Variants in CTNNA2 observed in about 807,000 individuals in gnomAD.
CTNNA2 encodes catenin alpha 2.
A neutral mutation model predicts 101.0 loss-of-function variants in CTNNA2; 42 were observed. The observed-to-expected ratio is 0.42, with a 90% confidence interval of 0.32 to 0.54. The LOEUF is 0.54. CTNNA2 is among the 20% of genes least tolerant of loss of function. CTNNA2 has a pLI of 0.14. For synonymous variants in CTNNA2, 450 were observed against 456.4 expected (o/e 0.99, Z 0.18); for missense variants, 871 against 1,223.1 (o/e 0.71, Z 4.29).
At chr2:80,344,049 T>TGCCCC (rs1475428415) in intron 7 of CTNNA2, among the ~76,000 whole-genome samples, 1 of 152,142 alleles carries the variant, frequency 6.6e-6, no homozygotes, top group African/African-American at 2.4e-5. Flanking sequence ...GCACCTGCAC[T>TGCCCC]CTGCCCCAAC....
At chr2:79,547,212 A>G (rs1391693293) in intron 1 of CTNNA2, 1 of 152,170 alleles carries the variant, frequency 6.6e-6, no homozygotes, top group African/African-American at 2.4e-5. Context: ...CTAATTTTCC[A>G]TATTCAGTAT....
chr2:80,496,554 G>GT (rs111603398), intron 9 of CTNNA2, among the ~76,000 whole-genome samples: 469 of 148,256 alleles, frequency 3.2e-3, no homozygotes, highest in African/African-American at 7.8e-3. Flanking sequence ...ACTTAGGACA[G>GT]TTTTTTTTTT....
intron 3 of CTNNA2, among the ~76,000 whole-genome samples, chr2:79,775,800 A>G (rs1005672928): frequency 1.5e-4 from 23 of 152,306 alleles, no homozygotes; most frequent in African/African-American, 5.5e-4. Flanking sequence ...CACCACCTCC[A>G]CCACCAGCTA....
intron 9 of CTNNA2, among the ~76,000 whole-genome samples, chr2:80,534,116 T>C (rs1690782790): frequency 6.6e-6 from 1 of 152,158 alleles, no homozygotes; most frequent in Non-Finnish European, 1.5e-5. Flanking sequence ...GGCAGAGGCA[T>C]GCAAACAGCA....
chr2:80,303,878 T>G lies in CTNNA2; in HGVS notation c.1057-89333T>G. ...TCCATTGGAAGCGCTCGGTCAGAAA[T>G]CTACATCATATTTTATTCCGAGGGA... On this transcript the variant is annotated intron_variant, in intron 7 of 18. Coordinates refer to ENST00000402739, the MANE Select transcript of CTNNA2 (RefSeq NM_001282597.3). This position sits in a 1 kb window ranked among gnomAD's most constrained non-coding sequence, Gnocchi z 7.7. 6.8e-7 allele frequency: 1 copy of G among 1,462,508 alleles called. No homozygotes were observed. Among genetic ancestry groups the G allele is most frequent in the South Asian group, 1.6e-5 (1 of 60,784 alleles). The allele number at this position is 1,462,508 out of a possible 1,614,324, so 90.6% of individuals were successfully genotyped here.
At chr2:80,072,843 A>G (rs1409945236) in intron 7 of CTNNA2, among the ~76,000 whole-genome samples, 2 of 152,164 alleles carry the variant, frequency 1.3e-5, no homozygotes, top group Non-Finnish European at 2.9e-5. Context: ...AAAGACTTCC[A>G]AGCAGGAAAA....
intron 7 of CTNNA2, among the ~76,000 whole-genome samples, chr2:79,917,704 G>A (rs1198229398): frequency 6.6e-6 from 1 of 152,176 alleles, no homozygotes; most frequent in Non-Finnish European, 1.5e-5. Flanking sequence ...AGAGCCAATG[G>A]ATGTTGTGCA....
chr2:80,583,028 G>T (rs1371015934), intron 14 of CTNNA2, among the ~76,000 whole-genome samples: 1 of 152,082 alleles, frequency 6.6e-6, no homozygotes, highest in African/African-American at 2.4e-5. Context: ...GAAGGTTAAA[G>T]AATATTAAAG....
At chr2:80,362,046 T>A (rs1674461469) in intron 7 of CTNNA2, among the ~76,000 whole-genome samples, 1 of 152,152 alleles carries the variant, frequency 6.6e-6, no homozygotes, top group Non-Finnish European at 1.5e-5. Flanking sequence ...AGGGTGACCA[T>A]CTGTTTTAGC....
chr2:79,328,060 C>T (rs1415671082), intron 3 of CTNNA2, among the ~76,000 whole-genome samples: 1 of 152,034 alleles, frequency 6.6e-6, no homozygotes, highest in Non-Finnish European at 1.5e-5. Context: ...AGAAGGGAAG[C>T]GAAGTAAAAA....
chr2:79,749,464 C>G (rs777916083), intron 3 of CTNNA2, among the ~76,000 whole-genome samples: 1 of 152,002 alleles, frequency 6.6e-6, no homozygotes, highest in Non-Finnish European at 1.5e-5. Flanking sequence ...TGTGTTTCTC[C>G]CTTCCTATCT....
intron 7 of CTNNA2, among the ~76,000 whole-genome samples, chr2:80,350,953 G>C (rs1259431588): frequency 1.3e-5 from 2 of 152,102 alleles, no homozygotes; most frequent in African/African-American, 2.4e-5. Context: ...TCCAAATAAG[G>C]CATAATGCAG....
At chr2:79,196,535 A>T (rs999064672) in intron 1 of CTNNA2, among the ~76,000 whole-genome samples, 1 of 152,184 alleles carries the variant, frequency 6.6e-6, no homozygotes, top group African/African-American at 2.4e-5. Context: ...AATCAGTATG[A>T]GAGTCTGATT....
Position 80,302,821 on chromosome 2 carries a change from C to A in CTNNA2, c.1057-90390C>A, listed in dbSNP as rs777946053. 2 of 1,614,004 alleles carry A rather than the reference C, an allele frequency of 1.2e-6. No homozygotes were observed. The highest frequency in any genetic ancestry group is 2.2e-5 in the South Asian group (2 of 91,074). On this transcript the variant is annotated intron_variant, in intron 7 of 18. Transcript: ENST00000402739. This position sits in a 1 kb window ranked among gnomAD's most constrained non-coding sequence, Gnocchi z 6.4. ...ACTGCAAGTTGCCATCGTAGCGCCC[C>A]TGGAAGTTGTTGAGCCACGAGGCTA... is the stretch of plus-strand genomic sequence containing the variant.
At chr2:80,126,601 TCCCTCC>T (rs1558832930) in intron 7 of CTNNA2, among the ~76,000 whole-genome samples, 14 of 25,880 alleles carry the variant, frequency 5.4e-4, no homozygotes, top group African/African-American at 2.0e-3. Flanking sequence ...CCTCCCTCCC[TCCCTCC>T]CTCCCTCCCT....
intron 3 of CTNNA2, among the ~76,000 whole-genome samples, chr2:79,335,006 C>T (rs988408776): frequency 6.6e-6 from 1 of 152,152 alleles, no homozygotes; most frequent in Admixed American, 6.5e-5. Flanking sequence ...ACCGCCCATG[C>T]ACACACATTC....
intron 9 of CTNNA2, among the ~76,000 whole-genome samples, chr2:80,529,492 C>T (rs1480502196): frequency 6.6e-6 from 1 of 152,192 alleles, no homozygotes; most frequent in Non-Finnish European, 1.5e-5. Context: ...GCTTATTTAA[C>T]TAAGCACTTA....
chr2:80,542,880 C>CG (rs1263822415), intron 9 of CTNNA2, among the ~76,000 whole-genome samples: 1 of 54,612 alleles, frequency 1.8e-5, no homozygotes, highest in African/African-American at 5.8e-5. Context: ...TGATTTTTTC[C>CG]CCCCCCCACA....
chr2:80,196,154 G>A (rs1706818478), intron 7 of CTNNA2, among the ~76,000 whole-genome samples: 1 of 151,954 alleles, frequency 6.6e-6, no homozygotes, highest in South Asian at 2.1e-4. Flanking sequence ...TTCTTACTGG[G>A]AGACTGTAAA....
Sources: allele counts gnomAD v4.1 joint callset (sites outside exome capture counted in the v4.1 genomes callset), GRCh38; gene constraint gnomAD v4.1.1; non-coding constraint Gnocchi (gnomAD v3.1); transcripts MANE v1.5; gene names NCBI Gene and HGNC (gene_info 2026-07-23, HGNC 2026-07-21).